The following IL1RAPL2 variants were observed in gnomAD, a reference collection of about 807,000 sequenced individuals.
IL1RAPL2 encodes X-linked interleukin-1 receptor accessory protein-like 2.
IL1RAPL2 carries 3 observed loss-of-function variants against 44.1 expected under a neutral mutation model. That is an observed-to-expected ratio of 0.07 (90% CI 0.03 to 0.18). The LOEUF (loss-of-function observed/expected upper bound fraction) is 0.18. IL1RAPL2 is among the 10% of genes least tolerant of loss of function. The pLI is 1.00. For missense variants in IL1RAPL2, 391 were observed against 496.4 expected (o/e 0.79, Z 2.02); for synonymous variants, 181 against 178.8 (o/e 1.01, Z -0.10).
chrX:104,841,700 TA>T (rs1251511000), intron 2 of IL1RAPL2, among the ~76,000 whole-genome samples: 2 of 111,550 alleles, frequency 1.8e-5, no homozygotes, highest in Non-Finnish European at 3.8e-5. Flanking sequence ...GTTATTTAAG[TA>T]TGTTGAATAT....
At chrX:105,013,362 A>G (rs16984597) in intron 2 of IL1RAPL2, among the ~76,000 whole-genome samples, 7,392 of 110,453 alleles carry the variant, frequency 0.067, 671 homozygotes, top group African/African-American at 0.23. Flanking sequence ...AGGGTTTATT[A>G]TCATGATGGA....
rs181689312 is a variant in IL1RAPL2, at chrX:105,337,427, G to T, written c.697+69886G>T. On this transcript the variant is annotated intron_variant, in intron 5 of 10. Transcript: ENST00000372582. ...ATCAGAGCTTTAAAGAGTGGATAGA[G>T]ATTATGAAATATTAAATAAAGTTGC... is the stretch of plus-strand genomic sequence containing the variant. Among the ~76,000 whole-genome samples, 124 of 112,123 alleles carry T rather than the reference G, an allele frequency of 1.1e-3. 1 individual carries two copies. Among genetic ancestry groups the T allele is most frequent in the African/African-American group, 3.9e-3 (119 of 30,880 alleles).
At chrX:105,633,660 C>T (rs1256863819) in intron 6 of IL1RAPL2, among the ~76,000 whole-genome samples, 1 of 111,547 alleles carries the variant, frequency 9.0e-6, no homozygotes, top group African/African-American at 3.3e-5. Context: ...TCTCGCACCA[C>T]TTCCACTATT....
rs759295350 is a variant in IL1RAPL2, at chrX:105,264,948, G to A, written c.544-2440G>A. Among the ~76,000 whole-genome samples, 23 of 111,893 alleles carry A rather than the reference G, an allele frequency of 2.1e-4. No homozygotes were observed. In the South Asian group the frequency reaches 8.2e-3, roughly 40 times the overall value. On this transcript the variant is annotated intron_variant, in intron 4 of 10. Coordinates refer to ENST00000372582, the MANE Select transcript of IL1RAPL2 (RefSeq NM_017416.2). ...CAAAGAACCTTTTATAAGGCTAGAT[G>A]GCAGCTTGGAAAACACATAGGGCTA...
Position 105,438,925 on chromosome X carries a change from G to A in IL1RAPL2, c.698-45388G>A, listed in dbSNP as rs1399149041. ...TCCTCAGCTGTCAGGGAGGGACCTG[G>A]TGGAAGGTTATTCGATCATGGGGGC... On this transcript the variant is annotated intron_variant, in intron 5 of 10. Transcript: ENST00000372582. 9.0e-5 allele frequency among the ~76,000 whole-genome samples: 10 copies of A among 110,803 alleles called. No homozygotes were observed. In the Admixed American group the frequency reaches 9.7e-4, roughly 11 times the overall value.
At chrX:104,865,861 C>G (rs1321537310) in intron 2 of IL1RAPL2, among the ~76,000 whole-genome samples, 1 of 112,625 alleles carries the variant, frequency 8.9e-6, no homozygotes, top group Non-Finnish European at 1.9e-5. Context: ...TTTTGGGACT[C>G]AGACTGGCTT....
intron 1 of IL1RAPL2, among the ~76,000 whole-genome samples, chrX:104,582,869 T>TTTTTCTTTTC (rs200854094): frequency 1.1e-5 from 1 of 88,533 alleles, no homozygotes; most frequent in African/African-American, 4.5e-5. Flanking sequence ...TCTTTCTTTC[T>TTTTTCTTTTC]TTTTCTTTTC....
At chrX:105,628,555 G>A (rs1468041387) in intron 6 of IL1RAPL2, among the ~76,000 whole-genome samples, 1 of 112,401 alleles carries the variant, frequency 8.9e-6, no homozygotes, top group Middle Eastern at 4.3e-3. Context: ...GTCAAAGGGA[G>A]AATTCCCAAG....
intron 1 of IL1RAPL2, among the ~76,000 whole-genome samples, chrX:104,613,884 G>C (rs1287502439): frequency 1.0e-5 from 1 of 96,969 alleles, no homozygotes; most frequent in Non-Finnish European, 2.0e-5. Flanking sequence ...CTATTGGTCT[G>C]TTCAGAGTTT....
chrX:105,029,532 G>A (rs2031443383), intron 2 of IL1RAPL2, among the ~76,000 whole-genome samples: 2 of 106,245 alleles, frequency 1.9e-5, no homozygotes, highest in African/African-American at 6.8e-5. Flanking sequence ...ATAGTTTGCT[G>A]AGAATGATGG....
chrX:104,593,102 T>TA (rs1928700124), intron 1 of IL1RAPL2, among the ~76,000 whole-genome samples: 1 of 111,581 alleles, frequency 9.0e-6, no homozygotes, highest in Admixed American at 9.6e-5. Context: ...TTGAAATCCT[T>TA]AAAAAGGAGA....
chrX:104,761,923 C>CCTTCTTCTTCTTCTT (rs759437149), intron 2 of IL1RAPL2, among the ~76,000 whole-genome samples: 1 of 30,812 alleles, frequency 3.2e-5, no homozygotes, highest in Non-Finnish European at 5.4e-5. Context: ...TTCTCCTTCT[C>CCTTCTTCTTCTTCTT]CTTCTTCTTC....
In IL1RAPL2 at chrX:105,055,868, T is replaced by G. The variant is rs765579906; in HGVS notation, c.83-139607T>G. On this transcript the variant is annotated intron_variant, in intron 2 of 10. Transcript: ENST00000372582. ...CTATATTAAGAGACTACTCTGGTAG[T>G]TGGCCAGGAAAAGAGCAACCAAAAT... 7.2e-5 allele frequency among the ~76,000 whole-genome samples: 8 copies of G among 111,695 alleles called. 1 individual carries two copies. The East Asian group carries it at 2.3e-3, about 32-fold the overall frequency.
chrX:104,614,924 A>AT (rs762570787), intron 1 of IL1RAPL2, among the ~76,000 whole-genome samples: 1 of 111,232 alleles, frequency 9.0e-6, no homozygotes, highest in Non-Finnish European at 1.9e-5. Flanking sequence ...GATTTCTCTC[A>AT]TTTTTTAATC....
At chrX:105,307,332 A>G (rs1341010436) in intron 5 of IL1RAPL2, among the ~76,000 whole-genome samples, 4 of 91,900 alleles carry the variant, frequency 4.4e-5, no homozygotes, top group Non-Finnish European at 6.3e-5. Flanking sequence ...ACTACTTGGG[A>G]AGCTGAGGAG....
At chrX:105,753,891 A>G (rs1048819896) in intron 9 of IL1RAPL2, among the ~76,000 whole-genome samples, 5 of 111,693 alleles carry the variant, frequency 4.5e-5, no homozygotes, top group African/African-American at 1.6e-4. Context: ...TAAAATTAGA[A>G]CAACATAATC....
intron 6 of IL1RAPL2, among the ~76,000 whole-genome samples, chrX:105,505,841 C>G: frequency 8.9e-6 from 1 of 111,963 alleles, no homozygotes; most frequent in East Asian, 2.8e-4. Context: ...TATACCTTTT[C>G]ACCCAACCAA....
At chrX:105,586,715 GTTCTTTTTT>G (rs1163252250) in intron 6 of IL1RAPL2, among the ~76,000 whole-genome samples, 1 of 112,012 alleles carries the variant, frequency 8.9e-6, no homozygotes, top group African/African-American at 3.2e-5. Flanking sequence ...TTGGTGGTTG[GTTCTTTTTT>G]TGCTTCATAT....
intron 6 of IL1RAPL2, among the ~76,000 whole-genome samples, chrX:105,628,878 G>A (rs1300503115): frequency 9.0e-6 from 1 of 110,620 alleles, no homozygotes; most frequent in Non-Finnish European, 1.9e-5. Flanking sequence ...AGGAGGCAAA[G>A]GATGCAGTGA....
Sources: gnomAD v4.1 joint callset for allele counts (sites outside exome capture counted in the v4.1 genomes callset) on GRCh38, gnomAD v4.1.1 for gene constraint, MANE v1.5 for transcripts, NCBI Gene and HGNC (gene_info 2026-07-23, HGNC 2026-07-21) for gene names.